The following ARHGAP24 variants were observed in gnomAD, a reference collection of about 807,000 sequenced individuals.
ARHGAP24 encodes the protein Rho GTPase activating protein 24, also known as rho GTPase-activating protein 24.
A neutral mutation model predicts 76.4 loss-of-function variants in ARHGAP24; 50 were observed. That is an observed-to-expected ratio of 0.65 (90% CI 0.52 to 0.83). The LOEUF is 0.83. Among genes scored for constraint, ARHGAP24 ranks in the 40% least tolerant of loss-of-function variants. The pLI, the probability that ARHGAP24 is intolerant of heterozygous loss-of-function variation, is 0.00. For missense variants in ARHGAP24, 930 were observed against 914.2 expected, an observed-to-expected ratio of 1.02 and a Z score of -0.22; for synonymous variants, 345 against 323.3, an observed-to-expected ratio of 1.07 and a Z score of -0.72.
intron 3 of ARHGAP24, among the ~76,000 whole-genome samples, chr4:85,862,468 C>T (rs974470106): frequency 6.6e-6 from 1 of 151,984 alleles, no homozygotes; most frequent in Non-Finnish European, 1.5e-5. Flanking sequence ...GCACATACTC[C>T]TAAGTTAGGT....
At chr4:85,665,362 G>T (rs911152308) in intron 2 of ARHGAP24, among the ~76,000 whole-genome samples, 1 of 151,964 alleles carries the variant, frequency 6.6e-6, no homozygotes, top group East Asian at 1.9e-4. Context: ...TTTTCCATCT[G>T]CTTGGTAGAT....
chr4:85,804,567 A>G (rs1474939666), intron 3 of ARHGAP24, among the ~76,000 whole-genome samples: 1 of 152,202 alleles, frequency 6.6e-6, no homozygotes, highest in Non-Finnish European at 1.5e-5. Context: ...AATACAGTGG[A>G]GCAGGCAGCT....
chr4:85,912,239 T>C (rs1009565017), intron 3 of ARHGAP24, among the ~76,000 whole-genome samples: 1 of 152,188 alleles, frequency 6.6e-6, no homozygotes, highest in Non-Finnish European at 1.5e-5. Flanking sequence ...TTTTGAAACA[T>C]TATACAAATG....
intron 2 of ARHGAP24, among the ~76,000 whole-genome samples, chr4:85,704,235 CTA>C (rs1724212784): frequency 6.6e-6 from 1 of 152,150 alleles, no homozygotes; most frequent in Admixed American, 6.5e-5. Flanking sequence ...AGTAGATCCA[CTA>C]TGTACATTTG....
intron 5 of ARHGAP24, among the ~76,000 whole-genome samples, chr4:85,943,390 T>C (rs77110691): frequency 0.046 from 7,020 of 152,256 alleles, 557 homozygotes; most frequent in African/African-American, 0.16. Context: ...TTGATCTCAG[T>C]TCATAGATGG....
chr4:85,553,783 C>T (rs560686407), intron 1 of ARHGAP24, among the ~76,000 whole-genome samples: 2 of 152,310 alleles, frequency 1.3e-5, no homozygotes, highest in East Asian at 3.9e-4. Context: ...TACTCTGTGC[C>T]TTTTAATTGG....
chr4:85,533,471 T>G (rs1339321794), intron 1 of ARHGAP24, among the ~76,000 whole-genome samples: 1 of 152,198 alleles, frequency 6.6e-6, no homozygotes, highest in Non-Finnish European at 1.5e-5. Context: ...CATTCAGCAA[T>G]CAAAGTATGG....
chr4:85,733,060 C>CTTTTTTTTTTTT (rs1210109366), intron 3 of ARHGAP24, among the ~76,000 whole-genome samples: 2,690 of 55,182 alleles, frequency 0.049, 919 homozygotes, highest in African/African-American at 0.053. Context: ...GCCTCACCAA[C>CTTTTTTTTTTTT]TTTTTTTTTT....
intron 3 of ARHGAP24, among the ~76,000 whole-genome samples, chr4:85,740,138 A>C (rs7661884): frequency 0.16 from 23,941 of 151,230 alleles, 2,307 homozygotes; most frequent in East Asian, 0.36. Context: ...TCAAATCTCT[A>C]TTTAAATGCT....
rs530548596 is a variant in ARHGAP24 at position 85,695,557 on chromosome 4, A to G, written c.181-26328A>G. ...AGCTGGCAACCCCATTGTCATAGCA[A>G]ATGTGATTATCAATGAAGGATTTGT... On this transcript the variant is annotated intron_variant, in intron 2 of 9. Transcript: ENST00000395184. Among the ~76,000 whole-genome samples the G allele has an allele frequency of 4.6e-5, 7 of 152,306 alleles. No homozygotes were observed. The East Asian group carries it at 1.3e-3, about 29-fold the overall frequency.
intron 2 of ARHGAP24, among the ~76,000 whole-genome samples, chr4:85,700,884 A>G (rs767896821): frequency 6.6e-6 from 1 of 152,234 alleles, no homozygotes; most frequent in Non-Finnish European, 1.5e-5. Context: ...ATCTTCCAGC[A>G]GGCAAAACAA....
intron 2 of ARHGAP24, among the ~76,000 whole-genome samples, chr4:85,644,399 A>C (rs955344021): frequency 6.6e-6 from 1 of 152,094 alleles, no homozygotes. Context: ...TCATTTAATG[A>C]CTCTGCTTTT....
intron 3 of ARHGAP24, among the ~76,000 whole-genome samples, chr4:85,797,290 A>C (rs1487291936): frequency 6.6e-6 from 1 of 151,662 alleles, no homozygotes; most frequent in East Asian, 1.9e-4. Context: ...CTCCTGCCTC[A>C]GCCTCCCCAG....
chr4:85,963,345 T>C (rs80319124), intron 5 of ARHGAP24, among the ~76,000 whole-genome samples: 1,877 of 152,146 alleles, frequency 0.012, 37 homozygotes, highest in African/African-American at 0.042. Context: ...GAATCTTGGG[T>C]CTAAAATCAG....
chr4:85,853,460 G>A (rs188468380), intron 3 of ARHGAP24, among the ~76,000 whole-genome samples: 458 of 152,204 alleles, frequency 3.0e-3, no homozygotes, highest in Admixed American at 7.0e-3. Context: ...GCCCTGCTTC[G>A]GCTCACCCTC....
intron 2 of ARHGAP24, among the ~76,000 whole-genome samples, chr4:85,685,581 C>T (rs113416456): frequency 1.3e-5 from 2 of 149,810 alleles, no homozygotes; most frequent in African/African-American, 2.5e-5. Flanking sequence ...TGCAGTTAGC[C>T]GAGATCGTGC....
intron 3 of ARHGAP24, among the ~76,000 whole-genome samples, chr4:85,891,189 G>A (rs576271807): frequency 6.6e-6 from 1 of 152,258 alleles, no homozygotes; most frequent in African/African-American, 2.4e-5. Context: ...ACATTGGGAC[G>A]AGAGTAAATT....
intron 1 of ARHGAP24, among the ~76,000 whole-genome samples, chr4:85,488,148 A>G (rs1394368829): frequency 6.6e-6 from 1 of 151,548 alleles, no homozygotes; most frequent in East Asian, 1.9e-4. Context: ...AAGGTGTTGT[A>G]TGGATAAAAT....
chr4:85,651,448 G>C (rs1247029816), intron 2 of ARHGAP24, among the ~76,000 whole-genome samples: 3 of 148,948 alleles, frequency 2.0e-5, no homozygotes, highest in Non-Finnish European at 4.4e-5. Context: ...GACACACAGG[G>C]ATTAGAGAAA....
Sources: gnomAD v4.1 joint callset for allele counts (sites outside exome capture counted in the v4.1 genomes callset) on GRCh38, gnomAD v4.1.1 for gene constraint, MANE v1.5 for transcripts, NCBI Gene and HGNC (gene_info 2026-07-23, HGNC 2026-07-21) for gene names.